DNAH7: variants seen among roughly 807,000 people sequenced by gnomAD.
The protein encoded by DNAH7 is axonemal beta dynein heavy chain 7.
DNAH7 carries 397 observed loss-of-function variants against 444.6 expected under a neutral mutation model. That is an observed-to-expected ratio of 0.89 (90% confidence interval 0.82 to 0.97). The LOEUF is 0.97. Ranked by LOEUF, DNAH7 falls within the 50% of genes least tolerant of loss-of-function variation. The probability of loss-of-function intolerance (pLI) is 0.00; values close to 1 mark genes in which losing one functional copy is unlikely to be tolerated. For missense variants in DNAH7, 4,902 were observed against 4,800.8 expected, an observed-to-expected ratio of 1.02 and a Z score of -0.62; for synonymous variants, 1,636 against 1,624.4, an observed-to-expected ratio of 1.01 and a Z score of -0.17.
chr2:196,038,137 A>C (rs919214633), intron 5 of DNAH7, among the ~76,000 whole-genome samples: 6 of 152,122 alleles, frequency 3.9e-5, no homozygotes, highest in African/African-American at 1.4e-4. Flanking sequence ...AAAAACTGTC[A>C]ATCAAGAATA....
chr2:195,996,362 C>T (rs548363647), intron 12 of DNAH7, among the ~76,000 whole-genome samples: 22 of 152,122 alleles, frequency 1.4e-4, no homozygotes, highest in African/African-American at 5.3e-4. Flanking sequence ...AGTTTATCTC[C>T]TTTTCTTTCC....
intron 33 of DNAH7, 65 bp from the exon 34 acceptor site, chr2:195,886,337 C>A: frequency 7.0e-7 from 1 of 1,438,728 alleles, no homozygotes; most frequent in Non-Finnish European, 9.5e-7. Flanking sequence ...ATAGCCCCAG[C>A]TAATATTTAT....
At chr2:196,061,536 C>G (rs1023683591) in intron 1 of DNAH7, among the ~76,000 whole-genome samples, 2 of 152,172 alleles carry the variant, frequency 1.3e-5, no homozygotes, top group Admixed American at 6.5e-5. Flanking sequence ...AAGCTAAAAT[C>G]CCTGGTACCA....
intron 46 of DNAH7, among the ~76,000 whole-genome samples, chr2:195,852,925 G>C (rs879371146): frequency 0.044 from 6,343 of 143,916 alleles, 177 homozygotes; most frequent in African/African-American, 0.099. Flanking sequence ...CAGAGAGAGA[G>C]AGAGAGAGAG....
At chr2:195,787,226 A>G in intron 57 of DNAH7, 55 bp from the exon 58 acceptor site, 1 of 1,508,958 alleles carries the variant, frequency 6.6e-7, no homozygotes, top group Non-Finnish European at 8.9e-7. Context: ...ATTGCATTAT[A>G]TTTACCATAT....
At position 195,881,985 on chromosome 2, in the gene DNAH7, C is replaced by T. The variant is rs1318626642; in HGVS notation, c.5771G>A (p.Gly1924Glu). ...YDYQFVTEGI[G>E]KWEPWIKKLK... ...TTTCTTTATCCATGGTTCCCATTTT[C>T]CTATTCCCTGTTTATAATTAACAAC... Residue 1924 changes from glycine to glutamate, a missense_variant, in exon 36 of 65, where the codon GGA becomes GAA. Coordinates refer to ENST00000312428, the MANE Select transcript of DNAH7 (RefSeq NM_018897.3). 2 of 1,613,010 alleles carry T rather than the reference C, an allele frequency of 1.2e-6. No homozygotes were observed. Among genetic ancestry groups the T allele is most frequent in the South Asian group, 2.2e-5 (2 of 91,022 alleles).
At chr2:195,910,554 T>A (rs369904838) in intron 24 of DNAH7, among the ~76,000 whole-genome samples, 195 of 152,244 alleles carry the variant, frequency 1.3e-3, no homozygotes, top group African/African-American at 4.6e-3. Context: ...TACATGGCCA[T>A]TTTTGAAAGA....
chr2:195,771,752 T>C lies in DNAH7; in HGVS notation c.11341A>G (p.Met3781Val), dbSNP rs200662508. The change falls in exon 61 of 65, where the codon ATG (methionine) becomes GTG (valine). Residue 3781 changes from methionine (M) to valine (V), a missense_variant. Coordinates refer to ENST00000312428, the MANE Select transcript of DNAH7 (RefSeq NM_018897.3). The part of the protein sequence containing the change: ...RRYPTTYTQS[M>V]NTVLVQEMGR... ...ATCTCTTGGACAAGTACAGTGTTCA[T>C]GCTCTGAGTATAAGTTGTTGGGTAC... is the stretch of plus-strand genomic sequence containing the variant. 1.4e-5 allele frequency: 23 copies of C among 1,614,106 alleles called. No homozygotes were observed. The South Asian group carries it at 1.5e-4, about 11-fold the overall frequency.
intron 19 of DNAH7, among the ~76,000 whole-genome samples, chr2:195,950,652 T>C (rs986132122): frequency 1.3e-5 from 2 of 151,636 alleles, no homozygotes; most frequent in African/African-American, 4.8e-5. Context: ...ATCGAAACCA[T>C]CCTGGCTAAC....
intron 15 of DNAH7, among the ~76,000 whole-genome samples, chr2:195,973,265 C>T (rs1267917001): frequency 6.6e-6 from 1 of 152,118 alleles, no homozygotes. Flanking sequence ...TAGTTCCAGT[C>T]CCCCTGGTAC....
chr2:195,964,484 A>T (rs1307666193), intron 17 of DNAH7, among the ~76,000 whole-genome samples: 1 of 147,030 alleles, frequency 6.8e-6, no homozygotes, highest in East Asian at 2.0e-4. Context: ...TTGTATGTCA[A>T]TTTTGTATCC....
intron 5 of DNAH7, among the ~76,000 whole-genome samples, chr2:196,034,291 A>AT (rs1379956234): frequency 2.6e-5 from 4 of 152,206 alleles, no homozygotes; most frequent in African/African-American, 9.6e-5. Flanking sequence ...AAATAATTTC[A>AT]TTCACAATAA....
At position 196,039,528 on chromosome 2, in the gene DNAH7, T is replaced by C. The variant is rs193233057; in HGVS notation, c.398+7824A>G. On this transcript the variant is annotated intron_variant, in intron 5 of 64. Transcript: ENST00000312428. ...ATAAGAGACCAAAATCCAGGTGCAGTGGTTCACGCCTGTAATCCCAGCACT... is the reference window on the plus strand; with the variant it reads ...ATAAGAGACCAAAATCCAGGTGCAGCGGTTCACGCCTGTAATCCCAGCACT... Among the ~76,000 whole-genome samples the C allele has an allele frequency of 7.2e-4, 109 of 152,258 alleles. 1 individual carries two copies. The highest frequency in any genetic ancestry group is 2.0e-3 in the Admixed American group (31 of 15,294).
intron 19 of DNAH7, among the ~76,000 whole-genome samples, chr2:195,944,050 G>A (rs1689640713): frequency 6.6e-6 from 1 of 152,060 alleles, no homozygotes. Flanking sequence ...TGATTATGCA[G>A]CATAACTGTT....
intron 8 of DNAH7, among the ~76,000 whole-genome samples, chr2:196,021,915 T>G (rs887283121): frequency 6.6e-6 from 1 of 152,104 alleles, no homozygotes; most frequent in Non-Finnish European, 1.5e-5. Flanking sequence ...TCACTTGAGG[T>G]CAAGAGTTTG....
intron 19 of DNAH7, among the ~76,000 whole-genome samples, chr2:195,950,900 AT>A (rs1382613269): frequency 2.2e-5 from 3 of 138,690 alleles, no homozygotes; most frequent in Non-Finnish European, 4.6e-5. Context: ...GGATTCAATG[AT>A]TTTTTTTGAC....
chr2:196,021,677 C>A (rs1291611746), intron 8 of DNAH7, among the ~76,000 whole-genome samples: 1 of 151,262 alleles, frequency 6.6e-6, no homozygotes, highest in East Asian at 1.9e-4. Flanking sequence ...ATTAAATTAG[C>A]TGGGCATAGT....
At chr2:196,009,862 C>T (rs188627008) in intron 10 of DNAH7, among the ~76,000 whole-genome samples, 1 of 152,154 alleles carries the variant, frequency 6.6e-6, no homozygotes, top group Non-Finnish European at 1.5e-5. Flanking sequence ...TTGAAATAAA[C>T]ATTTCCCAAA....
intron 19 of DNAH7, among the ~76,000 whole-genome samples, chr2:195,943,713 T>C (rs989740976): frequency 6.6e-6 from 1 of 152,148 alleles, no homozygotes; most frequent in Non-Finnish European, 1.5e-5. Flanking sequence ...TGTATCCCAG[T>C]TTGATGAAGA....
Sources: allele counts gnomAD v4.1 joint callset (sites outside exome capture counted in the v4.1 genomes callset), GRCh38; gene constraint gnomAD v4.1.1; transcripts MANE v1.5; gene names NCBI Gene and HGNC (gene_info 2026-07-23, HGNC 2026-07-21).